The following RNGTT variants were observed in gnomAD, a reference collection of about 807,000 sequenced individuals.
The protein encoded by RNGTT is mRNA-capping enzyme.
Under a neutral mutation model 79.3 loss-of-function variants are expected in RNGTT, and 33 were observed. The observed-to-expected ratio is 0.42, with a 90% CI of 0.32 to 0.56. The LOEUF is 0.56. RNGTT is among the 20% of genes least tolerant of loss of function. RNGTT has a pLI of 0.17. For missense variants in RNGTT, 497 were observed against 739.1 expected (o/e 0.67, Z 3.80); for synonymous variants, 222 against 235.9 (o/e 0.94, Z 0.54).
chr6:88,656,735 T>A (rs1448100242), intron 14 of RNGTT, among the ~76,000 whole-genome samples: 3 of 151,256 alleles, frequency 2.0e-5, no homozygotes, highest in African/African-American at 7.3e-5. Flanking sequence ...TGAGCTTCTT[T>A]GAAAAAGAAC....
intron 2 of RNGTT, among the ~76,000 whole-genome samples, chr6:88,935,028 G>C (rs1784623362): frequency 6.6e-6 from 1 of 152,114 alleles, no homozygotes; most frequent in South Asian, 2.1e-4. Context: ...TTTTCCCTAT[G>C]TTTTCATCTC....
At chr6:88,921,225 T>G (rs1191887283) in intron 4 of RNGTT, among the ~76,000 whole-genome samples, 1 of 152,018 alleles carries the variant, frequency 6.6e-6, no homozygotes, top group Non-Finnish European at 1.5e-5. Context: ...TAAACATTTG[T>G]GATGTGGCAA....
At chr6:88,809,219 A>T (rs560548911) in intron 11 of RNGTT, among the ~76,000 whole-genome samples, 28 of 152,256 alleles carry the variant, frequency 1.8e-4, no homozygotes, top group East Asian at 3.9e-4. Flanking sequence ...TACACACCTT[A>T]AAAAAAGCTT....
rs1158087338 is a variant in RNGTT, at chr6:88,770,009, A to T, written c.1339-135T>A. The T allele has an allele frequency of 1.5e-5, 9 of 594,854 alleles. No individual in the cohort carries two copies. The East Asian group carries it at 1.7e-4, about 11-fold the overall frequency. The allele number at this position is 594,854 out of a possible 1,614,324, so 36.8% of individuals were successfully genotyped here. The stretch of plus-strand genomic sequence containing the variant: ...ACATAATTTTAATCTTCAACCAACA[A>T]GTCAGGCTAGATATCTACCTTCTTA... On this transcript the variant is annotated intron_variant, in intron 12 of 15. Coordinates refer to ENST00000369485, the MANE Select transcript of RNGTT (RefSeq NM_003800.5).
chr6:88,835,975 A>AAC (rs72228554), intron 11 of RNGTT, among the ~76,000 whole-genome samples: 18,348 of 113,506 alleles, frequency 0.16, 1,583 homozygotes, highest in African/African-American at 0.25. Flanking sequence ...CTCTATTAAA[A>AAC]ACACACACAC....
chr6:88,878,056 C>A (rs1392167794), intron 8 of RNGTT, among the ~76,000 whole-genome samples: 1 of 151,874 alleles, frequency 6.6e-6, no homozygotes, highest in African/African-American at 2.4e-5. Flanking sequence ...GGAAAAACTA[C>A]CTTAAACCTA....
chr6:88,678,232 CT>C, intron 14 of RNGTT, 120 bp downstream of exon 14: 1 of 1,409,992 alleles, frequency 7.1e-7, no homozygotes, highest in Non-Finnish European at 9.4e-7. Context: ...ATCCACCTGT[CT>C]TAGCCTCCCA....
At chr6:88,785,343 A>C (rs1779193435) in intron 12 of RNGTT, among the ~76,000 whole-genome samples, 1 of 152,074 alleles carries the variant, frequency 6.6e-6, no homozygotes, top group South Asian at 2.1e-4. Flanking sequence ...ACTGATTACA[A>C]ATTATGCATC....
At chr6:88,783,132 T>C (rs1038141003) in intron 12 of RNGTT, among the ~76,000 whole-genome samples, 1 of 152,152 alleles carries the variant, frequency 6.6e-6, no homozygotes, top group Non-Finnish European at 1.5e-5. Flanking sequence ...AGCGAAGATA[T>C]GGAAGCAACT....
intron 13 of RNGTT, among the ~76,000 whole-genome samples, chr6:88,756,211 A>G (rs2127833127): frequency 6.6e-6 from 1 of 152,198 alleles, no homozygotes; most frequent in East Asian, 1.9e-4. Context: ...TTGGTGGCTC[A>G]TGTCTGTAAT....
chr6:88,873,111 A>G (rs905475156), intron 8 of RNGTT, among the ~76,000 whole-genome samples: 1 of 152,172 alleles, frequency 6.6e-6, no homozygotes, highest in African/African-American at 2.4e-5. Context: ...AAACTGAACC[A>G]AATGGGTAGT....
chr6:88,923,525 A>T (rs1455387649), intron 4 of RNGTT, among the ~76,000 whole-genome samples: 1 of 152,102 alleles, frequency 6.6e-6, no homozygotes, highest in Non-Finnish European at 1.5e-5. Flanking sequence ...TTTTTTTCCA[A>T]GAAGGAAAAG....
intron 11 of RNGTT, among the ~76,000 whole-genome samples, chr6:88,803,666 C>CA (rs34399112): frequency 0.014 from 1,727 of 127,262 alleles, 14 homozygotes; most frequent in Admixed American, 0.02. Flanking sequence ...TCTCTTTTTT[C>CA]AAAAAAAAAA....
intron 13 of RNGTT, among the ~76,000 whole-genome samples, chr6:88,713,499 T>C (rs1282245386): frequency 6.6e-6 from 1 of 152,192 alleles, no homozygotes; most frequent in African/African-American, 2.4e-5. Context: ...TCCAATTATT[T>C]CACACAACAG....
intron 1 of RNGTT, among the ~76,000 whole-genome samples, chr6:88,949,938 T>C (rs1785185733): frequency 6.6e-6 from 1 of 152,218 alleles, no homozygotes; most frequent in Non-Finnish European, 1.5e-5. Context: ...TCTAGGACTT[T>C]CATAGCTAGA....
intron 8 of RNGTT, among the ~76,000 whole-genome samples, chr6:88,864,692 T>C (rs1214194413): frequency 6.6e-6 from 1 of 152,120 alleles, no homozygotes; most frequent in Non-Finnish European, 1.5e-5. Context: ...ACTGAAGCAA[T>C]CCAAGTATCC....
chr6:88,658,467 C>T (rs1774063356), intron 14 of RNGTT, among the ~76,000 whole-genome samples: 2 of 152,188 alleles, frequency 1.3e-5, no homozygotes, highest in African/African-American at 4.8e-5. Context: ...CCAGGTAGCC[C>T]CGCTGGGTGG....
chr6:88,906,975 C>T (rs2127943702), intron 4 of RNGTT, among the ~76,000 whole-genome samples: 1 of 152,150 alleles, frequency 6.6e-6, no homozygotes, highest in East Asian at 1.9e-4. Flanking sequence ...TAAATATAAT[C>T]AACAAAAGTG....
intron 13 of RNGTT, among the ~76,000 whole-genome samples, chr6:88,744,876 T>G (rs1777614629): frequency 6.6e-6 from 1 of 152,208 alleles, no homozygotes; most frequent in South Asian, 2.1e-4. Flanking sequence ...ATATGATGCT[T>G]AATATAAATA....
Sources: gnomAD v4.1 joint callset for allele counts (sites outside exome capture counted in the v4.1 genomes callset) on GRCh38, gnomAD v4.1.1 for gene constraint, MANE v1.5 for transcripts, NCBI Gene and HGNC (gene_info 2026-07-23, HGNC 2026-07-21) for gene names.